EVL: variants seen among roughly 807,000 people sequenced by gnomAD.
The protein encoded by EVL is Enah/Vasp-like.
Under a neutral mutation model 59.6 loss-of-function variants are expected in EVL, and 21 were observed. The ratio of observed to expected loss-of-function variants is 0.35; its 90% CI spans 0.25 to 0.51. EVL has a LOEUF of 0.51. Ranked by LOEUF, EVL falls within the 20% of genes least tolerant of loss-of-function variation. The pLI is 0.97. For synonymous variants in EVL, 198 were observed against 203.5 expected, an observed-to-expected ratio of 0.97 and a Z score of 0.23; for missense variants, 462 against 546.6, an observed-to-expected ratio of 0.85 and a Z score of 1.54.
intron 1 of EVL, among the ~76,000 whole-genome samples, chr14:100,081,227 T>G (rs2062295622): frequency 6.6e-6 from 1 of 152,230 alleles, no homozygotes; most frequent in Non-Finnish European, 1.5e-5. Flanking sequence ...TTTGAGTATT[T>G]ATCCAGGTGA....
At chr14:100,050,411 G>A (rs1318034011) in intron 1 of EVL, among the ~76,000 whole-genome samples, 2 of 148,930 alleles carry the variant, frequency 1.3e-5, no homozygotes, top group South Asian at 2.1e-4. Context: ...GTGCAGTGGC[G>A]CGATCTCGGC....
In EVL at chr14:100,052,479, C is replaced by T. The variant is rs530565031; in HGVS notation, c.6-32208C>T. Among the ~76,000 whole-genome samples the T allele has an allele frequency of 9.2e-5, 14 of 152,260 alleles. 1 individual carries two copies. Among genetic ancestry groups the T allele is most frequent in the Admixed American group, 5.2e-4 (8 of 15,292 alleles). On this transcript the variant is annotated intron_variant, in intron 1 of 13. Transcript: ENST00000402714. ...AAAAATATGCAGGAGGGGCCAGGCA[C>T]GGTGTCTCATGCCTGTAATCCCAGT...
intron 2 of EVL, among the ~76,000 whole-genome samples, chr14:100,090,031 C>G (rs2062531029): frequency 6.6e-6 from 1 of 151,950 alleles, no homozygotes; most frequent in Non-Finnish European, 1.5e-5. Context: ...ATCTATGCCA[C>G]TATCTCAAGA....
chr14:100,135,629 G>C lies in EVL; in HGVS notation c.901-276G>C, dbSNP rs566582046. On this transcript the variant is annotated intron_variant, in intron 8 of 13. Transcript: ENST00000392920. ...GGCCCAAGGGGGGCTCAGGGCTTGCGGGTGTTGAGGGCCAGAAGGAAGTTC... is the reference window on the plus strand; with the variant it reads ...GGCCCAAGGGGGGCTCAGGGCTTGCCGGTGTTGAGGGCCAGAAGGAAGTTC... The C allele has an allele frequency of 2.1e-5, 8 of 385,338 alleles. No homozygotes were observed. In the Admixed American group the frequency reaches 2.3e-4, roughly 11 times the overall value. The allele number at this position is 385,338 out of a possible 1,614,324, so 23.9% of individuals were successfully genotyped here.
At chr14:100,141,033 G>A in intron 11 of EVL, 147 bp from the exon 12 acceptor site, 2 of 637,422 alleles carry the variant, frequency 3.1e-6, no homozygotes, top group South Asian at 4.1e-5. Context: ...TCCTTCTCAG[G>A]CAGTCTGAGG....
Position 100,137,602 on chromosome 14 carries a change from G to C in EVL, c.989G>C (p.Arg330Pro). The C allele has an allele frequency of 1.2e-6, 2 of 1,614,046 alleles. No individual in the cohort carries two copies. Among genetic ancestry groups the C allele is most frequent in the Non-Finnish European group, 1.7e-6 (2 of 1,180,036 alleles). Reference protein sequence around the residue: ...SSEAGRKPWERSNSVEKPVSS... With the variant: ...SSEAGRKPWEPSNSVEKPVSS... The stretch of plus-strand genomic sequence containing the variant: ...GAGGCTGGCCGGAAGCCCTGGGAGC[G>C]GAGCAACTCGGTGGAGAAGCCTGTG... Residue 330 changes from arginine (R) to proline (P), a missense_variant, in exon 10 of 14, where the codon CGG becomes CCG. Transcript: ENST00000392920.
At chr14:100,041,274 C>A (rs1319690317) in intron 1 of EVL, among the ~76,000 whole-genome samples, 1 of 152,148 alleles carries the variant, frequency 6.6e-6, no homozygotes, top group East Asian at 1.9e-4. Context: ...TAAGATTATG[C>A]TCTCCTGTTA....
intron 2 of EVL, among the ~76,000 whole-genome samples, chr14:100,092,966 G>A (rs562665761): frequency 3.0e-4 from 46 of 152,326 alleles, no homozygotes; most frequent in African/African-American, 1.1e-3. Context: ...GGTACTAAAT[G>A]AAGCAGCCTC....
intron 1 of EVL, among the ~76,000 whole-genome samples, chr14:100,079,668 T>A (rs2062249255): frequency 6.6e-6 from 1 of 152,180 alleles, no homozygotes; most frequent in Non-Finnish European, 1.5e-5. Context: ...ACCTTCCTTT[T>A]TCCCTTACTT....
Position 100,114,962 on chromosome 14 carries a change from G to A in EVL, c.359-8577G>A, listed in dbSNP as rs956008965. 2.6e-5 allele frequency among the ~76,000 whole-genome samples: 4 copies of A among 152,142 alleles called. No homozygotes were observed. The highest frequency in any genetic ancestry group is 4.4e-5 in the Non-Finnish European group (3 of 68,008). On this transcript the variant is annotated intron_variant, in intron 3 of 13. Coordinates refer to ENST00000392920, the MANE Select transcript of EVL (RefSeq NM_016337.3). This position sits in a 1 kb window ranked among gnomAD's most constrained non-coding sequence, Gnocchi z 5.0. The stretch of plus-strand genomic sequence containing the variant: ...CCGTTCACTGGAGGCACATGACCTC[G>A]GGTAGCTTTTCCGAGCCTCAGTTTC...
intron 2 of EVL, among the ~76,000 whole-genome samples, chr14:100,093,196 C>T (rs2062600942): frequency 6.6e-6 from 1 of 152,222 alleles, no homozygotes; most frequent in Admixed American, 6.5e-5. Flanking sequence ...CTGGACTCTC[C>T]TGTTTTAGAA....
At position 100,077,812 on chromosome 14, in the gene EVL, G is replaced by A. The variant is rs571253492; in HGVS notation, c.12-6875G>A. Among the ~76,000 whole-genome samples, 7 of 152,126 alleles carry A rather than the reference G, an allele frequency of 4.6e-5. No individual in the cohort carries two copies. The East Asian group carries it at 5.8e-4, about 13-fold the overall frequency. On this transcript the variant is annotated intron_variant, in intron 1 of 13. Transcript: ENST00000392920. ...TTTTGAGATGGAGTCTGGCTCTGTC[G>A]CCCAGGCTAGAGTGCAATGGCGCAA...
At chr14:100,102,703 A>G (rs1429737466) in intron 3 of EVL, among the ~76,000 whole-genome samples, 2 of 151,932 alleles carry the variant, frequency 1.3e-5, no homozygotes, top group African/African-American at 4.8e-5. Flanking sequence ...GCCCCTACCC[A>G]CCCGTTCCTC....
chr14:100,093,862 T>C (rs914914151), intron 2 of EVL, among the ~76,000 whole-genome samples: 4 of 152,254 alleles, frequency 2.6e-5, no homozygotes, highest in Non-Finnish European at 4.4e-5. Context: ...GCTGAAAATA[T>C]TAATTAAATG....
At chr14:99,984,209 G>C (rs1485111324) in intron 1 of EVL, among the ~76,000 whole-genome samples, 1 of 152,176 alleles carries the variant, frequency 6.6e-6, no homozygotes, top group Non-Finnish European at 1.5e-5. Flanking sequence ...GCATTACTGA[G>C]GTGTCAGTGA....
intron 4 of EVL, among the ~76,000 whole-genome samples, chr14:100,124,731 G>A (rs1038269086): frequency 2.6e-5 from 4 of 152,178 alleles, no homozygotes; most frequent in Non-Finnish European, 4.4e-5. Context: ...GCGTACAGGC[G>A]TGGATGGCTA....
In EVL at chr14:100,084,785, G is replaced by A. The variant is rs764158529; in HGVS notation, c.110G>A (p.Arg37Gln). 1.1e-5 allele frequency: 17 copies of A among 1,613,982 alleles called. No individual in the cohort carries two copies. In the East Asian group the frequency reaches 1.3e-4, roughly 13 times the overall value. The change falls in exon 2 of 14, where the codon CGG becomes CAG. Residue 37 changes from arginine to glutamine, a missense_variant. Physicochemically the swap from Arg to Gln is conservative, Grantham distance 43. Coordinates refer to ENST00000392920, the MANE Select transcript of EVL (RefSeq NM_016337.3). ...PIKPGQQGFS[R>Q]INIYHNTASN... Reference sequence around the variant, plus strand: ...AAACCTGGCCAGCAGGGATTCAGCCGGATCAACATCTACCACAACACTGCC... The same window carrying A: ...AAACCTGGCCAGCAGGGATTCAGCCAGATCAACATCTACCACAACACTGCC...
intron 1 of EVL, among the ~76,000 whole-genome samples, chr14:100,008,433 T>C (rs143593327): frequency 1.9e-3 from 292 of 152,332 alleles, no homozygotes; most frequent in Non-Finnish European, 2.9e-3. Context: ...ACTGACTCTT[T>C]TCTTAGGTCA....
At chr14:100,033,796 T>TCCAG (rs1293219432) in intron 1 of EVL, among the ~76,000 whole-genome samples, 1 of 152,178 alleles carries the variant, frequency 6.6e-6, no homozygotes, top group Non-Finnish European at 1.5e-5. Context: ...TAAAAACTTA[T>TCCAG]CCAGCATCAC....
Sources: gnomAD v4.1 joint callset for allele counts (sites outside exome capture counted in the v4.1 genomes callset) on GRCh38, gnomAD v4.1.1 for gene constraint, Gnocchi (gnomAD v3.1) non-coding constraint, MANE v1.5 for transcripts, NCBI Gene and HGNC (gene_info 2026-07-23, HGNC 2026-07-21) for gene names.